Variants in XRN2 observed in about 807,000 individuals in gnomAD.
XRN2 encodes the protein 5'-3' exoribonuclease 2, also known as DHM1-like protein.
In XRN2, 44 loss-of-function variants were observed where a neutral mutation model predicts 138.5. The observed-to-expected ratio is 0.32, with a 90% CI of 0.25 to 0.41. The LOEUF is 0.41. Ranked by LOEUF, XRN2 falls within the 10% of genes least tolerant of loss-of-function variation. The pLI is 1.00. For synonymous variants in XRN2, 354 were observed against 369.4 expected, an observed-to-expected ratio of 0.96 and a Z score of 0.48; for missense variants, 937 against 1,169.3, an observed-to-expected ratio of 0.80 and a Z score of 2.90.
chr20:21,358,880 G>A (rs2038605411), intron 24 of XRN2, among the ~76,000 whole-genome samples: 1 of 152,154 alleles, frequency 6.6e-6, no homozygotes, highest in African/African-American at 2.4e-5. Context: ...CAAACAATCT[G>A]GCTCTGACAG....
chr20:21,337,189 G>GGAA (rs2038307116), intron 13 of XRN2, among the ~76,000 whole-genome samples: 2 of 152,194 alleles, frequency 1.3e-5, no homozygotes, highest in Non-Finnish European at 2.9e-5. Context: ...CTGCCATGTT[G>GGAA]GAAGTACTGT....
intron 15 of XRN2, among the ~76,000 whole-genome samples, chr20:21,342,544 T>TAA (rs1389225308): frequency 5.9e-5 from 9 of 152,248 alleles, no homozygotes; most frequent in Non-Finnish European, 1.2e-4. Flanking sequence ...TTAATTTTGT[T>TAA]AAAGTTTGCT....
At chr20:21,379,787 A>G (rs1287531458) in intron 27 of XRN2, among the ~76,000 whole-genome samples, 1 of 152,230 alleles carries the variant, frequency 6.6e-6, no homozygotes, top group African/African-American at 2.4e-5. Flanking sequence ...CTACTTAGAA[A>G]TACTGCTGTG....
At chr20:21,381,583 T>G (rs1043769111) in intron 27 of XRN2, among the ~76,000 whole-genome samples, 6 of 152,238 alleles carry the variant, frequency 3.9e-5, no homozygotes, top group African/African-American at 1.4e-4. Context: ...GGATTTCTGT[T>G]GTAGATACTA....
intron 1 of XRN2, among the ~76,000 whole-genome samples, chr20:21,309,916 A>C (rs2037856475): frequency 6.6e-6 from 1 of 151,888 alleles, no homozygotes; most frequent in Admixed American, 6.6e-5. Flanking sequence ...TTTTGGTTTC[A>C]TTGATTTTCT....
rs1415819198 is a variant in XRN2 at position 21,306,527 on chromosome 20, G to A, written c.75+3054G>A. On this transcript the variant is annotated intron_variant, in intron 1 of 29. Coordinates refer to ENST00000377191, the MANE Select transcript of XRN2 (RefSeq NM_012255.5). ...ATCTAGTAGTGTTGATGACAAGTTC[G>A]GTGTTAATGTGATGTATTTATTTAA... Among the ~76,000 whole-genome samples the A allele has an allele frequency of 2.6e-5, 2 of 75,884 alleles. 1 individual carries two copies. Among genetic ancestry groups the A allele is most frequent in the Non-Finnish European group, 6.2e-5 (2 of 32,358 alleles). The allele number at this position is 75,884 out of a possible 152,430, so 49.8% of individuals were successfully genotyped here. A position where few individuals can be genotyped will look rare whatever the true frequency, so the allele number is the denominator to read the frequency against.
chr20:21,307,690 G>T (rs1258762530), intron 1 of XRN2, among the ~76,000 whole-genome samples: 1 of 76,126 alleles, frequency 1.3e-5, no homozygotes, highest in African/African-American at 3.6e-5. Flanking sequence ...CCAAGACAGT[G>T]AACGTGACCT....
chr20:21,368,865 G>A (rs187782523), intron 27 of XRN2, among the ~76,000 whole-genome samples: 65 of 152,064 alleles, frequency 4.3e-4, no homozygotes, highest in African/African-American at 1.5e-3. Flanking sequence ...TCACATCAGG[G>A]TAGATGGGGT....
rs2038084426 is a variant in XRN2 at position 21,323,999 on chromosome 20, AGT to A, written c.76-2276_76-2275del. Among the ~76,000 whole-genome samples, 4 of 152,114 alleles carry A rather than the reference AGT, an allele frequency of 2.6e-5. No homozygotes were observed. In the South Asian group the frequency reaches 8.3e-4, roughly 32 times the overall value. The stretch of plus-strand genomic sequence containing the variant: ...CAAAGAATGAGTTTTGATTTTCCTG[AGT>A]GTGGTGGGCCGTTGGACAGGATGAA... On this transcript the variant is annotated intron_variant, in intron 1 of 29. Coordinates refer to ENST00000377191, the MANE Select transcript of XRN2 (RefSeq NM_012255.5).
intron 6 of XRN2, among the ~76,000 whole-genome samples, 162 bp from the exon 7 acceptor site, chr20:21,331,399 T>TCACACA (rs71806398): frequency 0.012 from 1,778 of 144,028 alleles, 24 homozygotes; most frequent in African/African-American, 0.029. Context: ...TTGGTGTTTT[T>TCACACA]CACACACACA....
intron 13 of XRN2, among the ~76,000 whole-genome samples, chr20:21,337,360 A>AT (rs1302094977): frequency 6.6e-6 from 1 of 152,228 alleles, no homozygotes; most frequent in Non-Finnish European, 1.5e-5. Flanking sequence ...TGGATTAAAC[A>AT]TAGAGTGTAA....
chr20:21,310,899 C>G (rs1451924166), intron 1 of XRN2, among the ~76,000 whole-genome samples: 1 of 151,962 alleles, frequency 6.6e-6, no homozygotes, highest in East Asian at 1.9e-4. Context: ...CGCCCGCCAC[C>G]ACGCCCGGCA....
chr20:21,355,011 C>T (rs963351268), intron 21 of XRN2, 139 bp downstream of exon 21: 9 of 605,432 alleles, frequency 1.5e-5, no homozygotes, highest in Non-Finnish European at 1.8e-5. Context: ...TTTCTTATTA[C>T]AGACGTTGAC....
intron 20 of XRN2, among the ~76,000 whole-genome samples, chr20:21,354,446 TG>T (rs1412299277): frequency 1.3e-5 from 2 of 152,166 alleles, no homozygotes; most frequent in Non-Finnish European, 2.9e-5. Flanking sequence ...CTGGCTTGCT[TG>T]GGGGCATCTT....
chr20:21,327,570 T>C (rs1216620847), intron 3 of XRN2, among the ~76,000 whole-genome samples: 1 of 152,234 alleles, frequency 6.6e-6, no homozygotes, highest in Non-Finnish European at 1.5e-5. Flanking sequence ...GAATATGTCT[T>C]GTTTAGAGCA....
In XRN2 at chr20:21,363,195, T is replaced by C. The variant is rs1363599767; in HGVS notation, c.2256-2226T>C. Among the ~76,000 whole-genome samples the C allele has an allele frequency of 2.0e-5, 3 of 152,192 alleles. No individual in the cohort carries two copies. In the East Asian group the frequency reaches 5.8e-4, roughly 29 times the overall value. ...ATGCTTTGACTCAGCATCTTTTCTGTGCCTGTTGTTGCATTTTCCACTTTC... is the reference window on the plus strand; with the variant it reads ...ATGCTTTGACTCAGCATCTTTTCTGCGCCTGTTGTTGCATTTTCCACTTTC... On this transcript the variant is annotated intron_variant, in intron 24 of 29. Coordinates refer to ENST00000377191, the MANE Select transcript of XRN2 (RefSeq NM_012255.5).
At chr20:21,309,795 T>C (rs1335054043) in intron 1 of XRN2, among the ~76,000 whole-genome samples, 1 of 152,204 alleles carries the variant, frequency 6.6e-6, no homozygotes, top group African/African-American at 2.4e-5. Context: ...ATCCTTTTAA[T>C]ATTGTTAGAA....
chr20:21,339,034 A>G lies in XRN2; in HGVS notation c.1234-10A>G, dbSNP rs1305437793. 6.3e-7 allele frequency: 1 copy of G among 1,598,674 alleles called. No individual in the cohort carries two copies. Among genetic ancestry groups the G allele is most frequent in the African/African-American group, 1.3e-5 (1 of 74,362 alleles). ...TTATTTGACAGAATATGTGGATTTT[A>G]TACTTTTAGGACAGTTTTAGAAGAC... On this transcript the variant is annotated splice_polypyrimidine_tract_variant and intron_variant, in intron 13 of 29. Coordinates refer to ENST00000377191, the MANE Select transcript of XRN2 (RefSeq NM_012255.5).
At chr20:21,379,175 TAA>T (rs1230107553) in intron 27 of XRN2, among the ~76,000 whole-genome samples, 4 of 152,216 alleles carry the variant, frequency 2.6e-5, no homozygotes, top group Non-Finnish European at 5.9e-5. Flanking sequence ...AGAAAAGGGA[TAA>T]GTTTTTAAAG....
Sources: allele counts gnomAD v4.1 joint callset (sites outside exome capture counted in the v4.1 genomes callset), GRCh38; gene constraint gnomAD v4.1.1; transcripts MANE v1.5; gene names NCBI Gene and HGNC (gene_info 2026-07-23, HGNC 2026-07-21).